NDST3: variants seen among roughly 807,000 people sequenced by gnomAD.
NDST3 encodes bifunctional heparan sulfate N-deacetylase/N-sulfotransferase 3.
In NDST3, 58 loss-of-function variants were observed where a neutral mutation model predicts 96.1. The ratio of observed to expected loss-of-function variants is 0.60; its 90% CI spans 0.49 to 0.75. The LOEUF is 0.75. Among genes scored for constraint, NDST3 ranks in the 30% least tolerant of loss-of-function variants. NDST3 has a pLI of 0.00. For synonymous variants in NDST3, 333 were observed against 359.7 expected (o/e 0.93, Z 0.84); for missense variants, 788 against 1,034.2 (o/e 0.76, Z 3.27).
intron 2 of NDST3, among the ~76,000 whole-genome samples, chr4:118,088,001 T>C (rs573154041): frequency 6.6e-6 from 1 of 152,218 alleles, no homozygotes; most frequent in East Asian, 1.9e-4. Context: ...TTGTATCATT[T>C]TTTTCTTTCT....
intron 6 of NDST3, among the ~76,000 whole-genome samples, chr4:118,188,042 G>A (rs1737079741): frequency 6.6e-6 from 1 of 152,010 alleles, no homozygotes. Flanking sequence ...GGCCTAATGA[G>A]CTACTGTTAC....
At position 118,054,959 on chromosome 4, in the gene NDST3, T is replaced by C. The variant is rs1444215834; in HGVS notation, c.981+68T>C. ...CCAGCAGGGATACAACTATCCCAGT[T>C]TGTACTACAACTGGGTTACCCAGGA... On this transcript the variant is annotated intron_variant, in intron 2 of 13. Coordinates refer to ENST00000296499, the MANE Select transcript of NDST3 (RefSeq NM_004784.3). 1.0e-5 allele frequency: 16 copies of C among 1,585,484 alleles called. No homozygotes were observed. In the South Asian group the frequency reaches 1.6e-4, roughly 15 times the overall value.
chr4:118,252,699 T>A (rs1283870044), intron 12 of NDST3, among the ~76,000 whole-genome samples: 1 of 152,198 alleles, frequency 6.6e-6, no homozygotes, highest in Non-Finnish European at 1.5e-5. Context: ...GAGACCAGCC[T>A]GACCAACATG....
At chr4:118,136,275 A>G (rs2125896911) in intron 4 of NDST3, among the ~76,000 whole-genome samples, 1 of 152,364 alleles carries the variant, frequency 6.6e-6, no homozygotes, top group Admixed American at 6.5e-5. Flanking sequence ...AAAGAATACT[A>G]TTTAACAACC....
intron 6 of NDST3, among the ~76,000 whole-genome samples, chr4:118,223,747 C>T (rs1739691917): frequency 6.6e-6 from 1 of 152,000 alleles, no homozygotes. Context: ...ACCATTGTTA[C>T]TATTCATTCA....
chr4:118,096,962 C>T (rs535146106), intron 2 of NDST3, among the ~76,000 whole-genome samples: 4 of 152,010 alleles, frequency 2.6e-5, no homozygotes, highest in Non-Finnish European at 5.9e-5. Flanking sequence ...CAGCTCAAGG[C>T]AGTCAGGCAG....
chr4:118,104,983 T>G (rs1030712064), intron 2 of NDST3, 35 bp from the exon 3 acceptor site: 3 of 1,577,866 alleles, frequency 1.9e-6, no homozygotes, highest in East Asian at 4.5e-5. Context: ...AATGCCATTC[T>G]TTACCTGATA....
At chr4:118,221,680 G>A (rs1415882416) in intron 6 of NDST3, among the ~76,000 whole-genome samples, 1 of 151,916 alleles carries the variant, frequency 6.6e-6, no homozygotes, top group Non-Finnish European at 1.5e-5. Flanking sequence ...AATGTATGTG[G>A]TATTTGACAT....
At chr4:118,227,496 C>A (rs190533788) in intron 8 of NDST3, among the ~76,000 whole-genome samples, 1 of 151,844 alleles carries the variant, frequency 6.6e-6, no homozygotes, top group Admixed American at 6.6e-5. Flanking sequence ...TAGACATACA[C>A]AAAACTTTGT....
At chr4:118,146,547 C>A (rs1733961063) in intron 6 of NDST3, among the ~76,000 whole-genome samples, 1 of 151,508 alleles carries the variant, frequency 6.6e-6, no homozygotes. Flanking sequence ...AAGATCACAG[C>A]AAAGGTAAAA....
intron 12 of NDST3, among the ~76,000 whole-genome samples, chr4:118,248,897 G>A (rs2126011655): frequency 6.6e-6 from 1 of 152,254 alleles, no homozygotes; most frequent in South Asian, 2.1e-4. Flanking sequence ...TCTCCATGAA[G>A]GACCAGACCC....
At chr4:118,226,859 A>G in intron 7 of NDST3, 27 bp from the exon 8 acceptor site, 1 of 1,521,098 alleles carries the variant, frequency 6.6e-7, no homozygotes, top group Non-Finnish European at 9.0e-7. Flanking sequence ...GAAAAAAAAT[A>G]CATCTCTATG....
At chr4:118,230,286 A>C (rs1398617536) in intron 8 of NDST3, among the ~76,000 whole-genome samples, 1 of 152,140 alleles carries the variant, frequency 6.6e-6, no homozygotes, top group Non-Finnish European at 1.5e-5. Context: ...ATTTATTAGA[A>C]GTGCAGGCCA....
intron 2 of NDST3, among the ~76,000 whole-genome samples, chr4:118,080,780 G>C (rs1727946901): frequency 6.6e-6 from 1 of 152,054 alleles, no homozygotes; most frequent in Non-Finnish European, 1.5e-5. Flanking sequence ...TGAATAATCT[G>C]TGTTTTCCAT....
At chr4:118,120,965 G>A (rs530961740) in intron 4 of NDST3, among the ~76,000 whole-genome samples, 7 of 152,178 alleles carry the variant, frequency 4.6e-5, no homozygotes, top group African/African-American at 1.7e-4. Flanking sequence ...GTGTCTGCCC[G>A]ACCCTCTGTC....
At position 118,138,169 on chromosome 4, in the gene NDST3, C is replaced by A; in HGVS notation, c.1340C>A (p.Thr447Asn). The change falls in exon 5 of 14, where the codon ACC becomes AAC. Residue 447 changes from threonine to asparagine, a missense_variant. By Grantham distance (65) the Thr-to-Asn change is moderately conservative. Transcript: ENST00000296499. ...AWKKVWNIKITSTEEYPHLKP... is the reference protein window; with the variant it reads ...AWKKVWNIKINSTEEYPHLKP... ...AAGAAGGTCTGGAATATTAAAATCA[C>A]CAGCACTGAAGAATATCCACATCTG... 1 of 1,613,976 alleles carries A rather than the reference C, an allele frequency of 6.2e-7. No individual in the cohort carries two copies. The highest frequency in any genetic ancestry group is 8.5e-7 in the Non-Finnish European group (1 of 1,179,920).
Position 118,077,235 on chromosome 4 carries a change from A to G in NDST3, c.981+22344A>G, listed in dbSNP as rs571315122. On this transcript the variant is annotated intron_variant, in intron 2 of 13. Transcript: ENST00000296499. ...GCCAGCCAAAGTGCTTCACTGGGGC[A>G]ATGGCAACAGGATCCATACTCATTC... Among the ~76,000 whole-genome samples, 27 of 152,248 alleles carry G rather than the reference A, an allele frequency of 1.8e-4. No homozygotes were observed. In the South Asian group the frequency reaches 5.2e-3, roughly 29 times the overall value.
chr4:118,051,936 G>A (rs1456846223), intron 1 of NDST3, among the ~76,000 whole-genome samples: 1 of 152,042 alleles, frequency 6.6e-6, no homozygotes, highest in African/African-American at 2.4e-5. Context: ...ACTGTTGGTG[G>A]GAATGTAAAC....
chr4:118,109,467 C>T (rs993162713), intron 3 of NDST3, among the ~76,000 whole-genome samples: 18 of 152,274 alleles, frequency 1.2e-4, no homozygotes, highest in Middle Eastern at 3.4e-3. Context: ...CATTCCTTCT[C>T]ATCTCTGCAA....
Sources: allele counts gnomAD v4.1 joint callset (sites outside exome capture counted in the v4.1 genomes callset), GRCh38; gene constraint gnomAD v4.1.1; transcripts MANE v1.5; gene names NCBI Gene and HGNC (gene_info 2026-07-23, HGNC 2026-07-21).